NLGN1: variants seen among roughly 807,000 people sequenced by gnomAD.
NLGN1 encodes neuroligin-1.
A neutral mutation model predicts 65.5 loss-of-function variants in NLGN1; 12 were observed. That is an observed-to-expected ratio of 0.18 (90% CI 0.12 to 0.30). The LOEUF is 0.30. NLGN1 is among the 10% of genes least tolerant of loss of function. NLGN1 has a pLI of 1.00. For missense variants in NLGN1, 750 were observed against 1,007.1 expected (o/e 0.74, Z 3.46); for synonymous variants, 350 against 359.5 (o/e 0.97, Z 0.30).
chr3:173,631,599 A>C (rs1026923852), intron 3 of NLGN1, among the ~76,000 whole-genome samples: 4 of 152,200 alleles, frequency 2.6e-5, no homozygotes, highest in African/African-American at 9.6e-5. Context: ...TTATTTTTAA[A>C]GTATAACATC....
At chr3:173,438,578 A>T (rs1718578831) in intron 2 of NLGN1, among the ~76,000 whole-genome samples, 1 of 152,140 alleles carries the variant, frequency 6.6e-6, no homozygotes, top group South Asian at 2.1e-4. Flanking sequence ...TGTTATAATT[A>T]TGAATCACTG....
chr3:173,450,482 G>A (rs1401784826), intron 2 of NLGN1, among the ~76,000 whole-genome samples: 2 of 152,090 alleles, frequency 1.3e-5, no homozygotes, highest in Non-Finnish European at 1.5e-5. Context: ...TTTCTCTCGG[G>A]CTGCCCTTAA....
At chr3:173,734,714 A>C (rs533015906) in intron 3 of NLGN1, among the ~76,000 whole-genome samples, 79 of 152,010 alleles carry the variant, frequency 5.2e-4, no homozygotes, top group South Asian at 2.5e-3. Context: ...TTATTAATTC[A>C]CTAGTAACAA....
chr3:173,589,881 C>CT (rs35287184), intron 2 of NLGN1, among the ~76,000 whole-genome samples: 1 of 152,000 alleles, frequency 6.6e-6, no homozygotes, highest in Non-Finnish European at 1.5e-5. Flanking sequence ...ATTGTCATTG[C>CT]TTTTTAAAAA....
intron 2 of NLGN1, among the ~76,000 whole-genome samples, chr3:173,558,440 C>A (rs1279054494): frequency 6.6e-6 from 1 of 152,090 alleles, no homozygotes; most frequent in Non-Finnish European, 1.5e-5. Context: ...CTCCTGTATT[C>A]CAAATACTTA....
chr3:174,218,306 C>T (rs753111058), intron 4 of NLGN1, among the ~76,000 whole-genome samples: 15 of 151,820 alleles, frequency 9.9e-5, no homozygotes, highest in Non-Finnish European at 1.9e-4. Context: ...TAAAAATGTT[C>T]CCAGTACAAT....
intron 4 of NLGN1, among the ~76,000 whole-genome samples, chr3:174,067,421 T>A (rs1738873138): frequency 6.6e-6 from 1 of 152,196 alleles, no homozygotes; most frequent in Non-Finnish European, 1.5e-5. Context: ...CAGAATTGAT[T>A]TCCTTCCTTG....
chr3:173,789,768 C>T (rs777449773), intron 3 of NLGN1: 34 of 453,074 alleles, frequency 7.5e-5, no homozygotes, highest in East Asian at 1.4e-4. Flanking sequence ...TTCCACACTC[C>T]GCCCATCCTT....
At chr3:173,602,842 T>C (rs1750762736) in intron 2 of NLGN1, among the ~76,000 whole-genome samples, 1 of 151,974 alleles carries the variant, frequency 6.6e-6, no homozygotes, top group African/African-American at 2.4e-5. Flanking sequence ...CAGAAATGGG[T>C]TTGTGTAGCT....
chr3:174,055,853 G>C (rs1735941239), intron 4 of NLGN1, among the ~76,000 whole-genome samples: 1 of 151,418 alleles, frequency 6.6e-6, no homozygotes, highest in African/African-American at 2.4e-5. Context: ...AATCTTACAA[G>C]TTTACAACAT....
intron 4 of NLGN1, among the ~76,000 whole-genome samples, chr3:174,151,440 T>C (rs1724330144): frequency 6.6e-6 from 1 of 152,164 alleles, no homozygotes; most frequent in African/African-American, 2.4e-5. Flanking sequence ...GTGCATGATG[T>C]TTAAAATTTC....
At chr3:174,008,377 C>G (rs1221956994) in intron 4 of NLGN1, among the ~76,000 whole-genome samples, 1 of 128,762 alleles carries the variant, frequency 7.8e-6, no homozygotes, top group African/African-American at 2.9e-5. Context: ...CACGGAGGAG[C>G]TCTGTATCAA....
chr3:174,119,486 T>C (rs1717284981), intron 4 of NLGN1, among the ~76,000 whole-genome samples: 1 of 152,200 alleles, frequency 6.6e-6, no homozygotes, highest in African/African-American at 2.4e-5. Context: ...CCTATTAGAC[T>C]GGCTAAATAG....
intron 2 of NLGN1, among the ~76,000 whole-genome samples, chr3:173,506,228 G>A (rs972642295): frequency 6.6e-5 from 10 of 151,892 alleles, no homozygotes; most frequent in Non-Finnish European, 1.3e-4. Flanking sequence ...CTTCTAGTTC[G>A]ACATACTAAA....
intron 3 of NLGN1, among the ~76,000 whole-genome samples, chr3:173,671,896 C>T (rs147296813): frequency 1.8e-3 from 278 of 152,242 alleles, no homozygotes; most frequent in Non-Finnish European, 3.5e-3. Flanking sequence ...AATAGTTGGC[C>T]GGGCGTGGTG....
chr3:173,436,037 G>A (rs1321209803), intron 2 of NLGN1, among the ~76,000 whole-genome samples: 3 of 152,030 alleles, frequency 2.0e-5, no homozygotes, highest in African/African-American at 4.8e-5. Context: ...ACCTACAGCC[G>A]CAAGAACAAA....
At chr3:174,242,237 G>T (rs925296124) in intron 4 of NLGN1, among the ~76,000 whole-genome samples, 1 of 151,690 alleles carries the variant, frequency 6.6e-6, no homozygotes, top group Non-Finnish European at 1.5e-5. Flanking sequence ...ATAAATCAGG[G>T]GTCCCCATCC....
chr3:174,237,988 A>T (rs1313009343), intron 4 of NLGN1, among the ~76,000 whole-genome samples: 1 of 152,212 alleles, frequency 6.6e-6, no homozygotes, highest in Non-Finnish European at 1.5e-5. Flanking sequence ...TTTGTGGACA[A>T]CATTTTTACC....
chr3:173,942,190 C>T (rs1311486342), intron 4 of NLGN1, among the ~76,000 whole-genome samples: 2 of 150,496 alleles, frequency 1.3e-5, no homozygotes, highest in Admixed American at 6.7e-5. Context: ...TATATATATA[C>T]ACATGTGCAT....
Sources: gnomAD v4.1 joint callset for allele counts (sites outside exome capture counted in the v4.1 genomes callset) on GRCh38, gnomAD v4.1.1 for gene constraint, MANE v1.5 for transcripts, NCBI Gene and HGNC (gene_info 2026-07-23, HGNC 2026-07-21) for gene names.